CCDC134: variants seen among roughly 807,000 people sequenced by gnomAD.
CCDC134 encodes coiled-coil domain containing 134.
CCDC134 carries 27 observed loss-of-function variants against 25.6 expected under a neutral mutation model. The observed-to-expected ratio is 1.05, with a 90% CI of 0.78 to 1.45. CCDC134 has a LOEUF of 1.45. CCDC134 is among the 40% of genes most tolerant of loss of function. The pLI is 0.00. For missense variants in CCDC134, 261 were observed against 286.7 expected, an observed-to-expected ratio of 0.91 and a Z score of 0.65; for synonymous variants, 110 against 115.0, an observed-to-expected ratio of 0.96 and a Z score of 0.28.
chr22:41,813,810 C>G lies in CCDC134; in HGVS notation c.552C>G (p.Ile184Met), dbSNP rs371808841. 10 of 1,614,052 alleles carry G rather than the reference C, an allele frequency of 6.2e-6. No individual in the cohort carries two copies. The highest frequency in any genetic ancestry group is 6.8e-6 in the Non-Finnish European group (8 of 1,180,018). ...KDSNFQNPFK[I>M]DRTEFIPSTD... ...CCAACTTCCAGAACCCATTTAAAAT[C>G]GACCGCACAGAGGTGAGCTGCCAGG... is the stretch of plus-strand genomic sequence containing the variant. Residue 184 changes from isoleucine to methionine, a missense_variant, in exon 6 of 7, where the codon ATC (isoleucine) becomes ATG (methionine). Ile to Met is a conservative substitution (Grantham distance 10). Transcript: ENST00000255784.
chr22:41,824,234 G>A (rs2076665423), intron 6 of CCDC134, among the ~76,000 whole-genome samples: 1 of 152,206 alleles, frequency 6.6e-6, no homozygotes. Flanking sequence ...CTGAGCCCGA[G>A]CTAATGTGGC....
At chr22:41,816,924 A>G (rs2076625438) in intron 6 of CCDC134, among the ~76,000 whole-genome samples, 1 of 152,164 alleles carries the variant, frequency 6.6e-6, no homozygotes, top group African/African-American at 2.4e-5. Context: ...CACAAAAACA[A>G]AACAAAACAA....
Position 41,813,779 on chromosome 22 carries a change from A to C in CCDC134, c.521A>C (p.Lys174Thr). ...GCCCAGGAGCTGGGGATCAGTGAGAAAGACTCCAACTTCCAGAACCCATTT... is the reference window on the plus strand; with the variant it reads ...GCCCAGGAGCTGGGGATCAGTGAGACAGACTCCAACTTCCAGAACCCATTT... Reference protein sequence around the residue: ...LMAQELGISEKDSNFQNPFKI... With the variant: ...LMAQELGISETDSNFQNPFKI... The change falls in exon 6 of 7, where the codon AAA (lysine) becomes ACA (threonine). Residue 174 changes from lysine to threonine, a missense_variant. Physicochemically the swap from Lys to Thr is moderately conservative, Grantham distance 78. Coordinates refer to ENST00000255784, the MANE Select transcript of CCDC134 (RefSeq NM_024821.5). 1 of 1,614,198 alleles carries C rather than the reference A, an allele frequency of 6.2e-7. No homozygotes were observed. The highest frequency in any genetic ancestry group is 8.5e-7 in the Non-Finnish European group (1 of 1,180,022).
At chr22:41,812,527 G>A (rs2076602094) in intron 4 of CCDC134, among the ~76,000 whole-genome samples, 1 of 151,898 alleles carries the variant, frequency 6.6e-6, no homozygotes. Flanking sequence ...GCCGAGTGCA[G>A]TGGCTCATGC....
intron 6 of CCDC134, among the ~76,000 whole-genome samples, chr22:41,824,202 GGTCTAGAGGGCA>G (rs947694853): frequency 1.3e-5 from 2 of 152,198 alleles, no homozygotes; most frequent in Non-Finnish European, 2.9e-5. Flanking sequence ...AGTCAGGGCA[GGTCTAGAGGGCA>G]GTGAGTCAGC....
intron 2 of CCDC134, among the ~76,000 whole-genome samples, chr22:41,809,330 A>G (rs1255359785): frequency 2.0e-5 from 3 of 152,184 alleles, no homozygotes; most frequent in African/African-American, 4.8e-5. Flanking sequence ...GCTCCAGGCC[A>G]GGCCTCAAGG....
chr22:41,809,748 G>A, intron 2 of CCDC134, 131 bp from the exon 3 acceptor site: 2 of 1,168,640 alleles, frequency 1.7e-6, no homozygotes, highest in South Asian at 3.1e-5. Flanking sequence ...TCATTTCCTG[G>A]AGGCTTCTAG....
chr22:41,814,996 G>A (rs945236714), intron 6 of CCDC134, among the ~76,000 whole-genome samples: 2 of 152,070 alleles, frequency 1.3e-5, no homozygotes, highest in East Asian at 1.9e-4. Context: ...TCTTTGGGAA[G>A]AGACATCACC....
In CCDC134 at chr22:41,806,437, G is replaced by T. The variant is rs2076568051; in HGVS notation, c.-16-2438G>T. Among the ~76,000 whole-genome samples the T allele has an allele frequency of 2.6e-5, 4 of 151,720 alleles. No homozygotes were observed. The South Asian group carries it at 8.3e-4, about 32-fold the overall frequency. Reference sequence around the variant, plus strand: ...GGGTTTCACTGTGTTAGCCAGGATGGTCTTGATCTCCTGACCTTGTGATCC... The same window carrying T: ...GGGTTTCACTGTGTTAGCCAGGATGTTCTTGATCTCCTGACCTTGTGATCC... On this transcript the variant is annotated intron_variant, in intron 1 of 6. Coordinates refer to ENST00000255784, the MANE Select transcript of CCDC134 (RefSeq NM_024821.5).
chr22:41,824,190 G>T (rs1331198681), intron 6 of CCDC134, among the ~76,000 whole-genome samples: 1 of 152,164 alleles, frequency 6.6e-6, no homozygotes, highest in Non-Finnish European at 1.5e-5. Context: ...AGCCCCTCAG[G>T]GAGTCAGGGC....
chr22:41,809,379 G>T (rs901151577), intron 2 of CCDC134, among the ~76,000 whole-genome samples: 2 of 152,202 alleles, frequency 1.3e-5, no homozygotes, highest in Non-Finnish European at 2.9e-5. Context: ...TGGCTTTGAG[G>T]TGTCCATAAG....
intron 1 of CCDC134, among the ~76,000 whole-genome samples, chr22:41,807,043 G>A (rs1039490903): frequency 9.2e-5 from 14 of 152,022 alleles, no homozygotes; most frequent in Admixed American, 6.6e-4. Context: ...GCAAGACTCC[G>A]TCTCAAAAAA....
intron 6 of CCDC134, among the ~76,000 whole-genome samples, chr22:41,819,988 T>A (rs1196869567): frequency 1.2e-4 from 17 of 137,806 alleles, no homozygotes; most frequent in Non-Finnish European, 2.0e-4. Context: ...TATATATATA[T>A]ATATATATAT....
At position 41,826,931 on chromosome 22, in the gene CCDC134, G is replaced by A. The variant is rs531893306; in HGVS notation, c.*1108G>A. Among the ~76,000 whole-genome samples, 1 of 152,334 alleles carries A rather than the reference G, an allele frequency of 6.6e-6. No homozygotes were observed. Among genetic ancestry groups the A allele is most frequent in the Non-Finnish European group, 1.5e-5 (1 of 68,022 alleles). ...CCATCCCAGATCCCCTCGACACCCA[G>A]CCCCCTACCACTGACAGAGCACAAG... On this transcript the variant is annotated 3_prime_UTR_variant, in exon 7 of 7. Coordinates refer to ENST00000255784, the MANE Select transcript of CCDC134 (RefSeq NM_024821.5).
intron 6 of CCDC134, among the ~76,000 whole-genome samples, chr22:41,816,659 T>C (rs1461478512): frequency 2.6e-5 from 4 of 152,186 alleles, no homozygotes; most frequent in African/African-American, 4.8e-5. Context: ...ATTATTGCTA[T>C]AAAATCCATG....
Position 41,830,452 on chromosome 22 carries a change from C to G in CCDC134, c.*4629C>G, listed in dbSNP as rs578137586. Among the ~76,000 whole-genome samples, 15 of 152,316 alleles carry G rather than the reference C, an allele frequency of 9.8e-5. No homozygotes were observed. In the East Asian group the frequency reaches 2.7e-3, roughly 27 times the overall value. ...AGAGTGAGTTGTATGGGAGTTGTTGCTGAATCCCCCCAGAGTACCAGTCAC... is the reference window on the plus strand; with the variant it reads ...AGAGTGAGTTGTATGGGAGTTGTTGGTGAATCCCCCCAGAGTACCAGTCAC... On this transcript the variant is annotated 3_prime_UTR_variant, in exon 7 of 7. Transcript: ENST00000255784.
rs964549976 is a variant in CCDC134 at position 41,827,287 on chromosome 22, A to T, written c.*1464A>T. Among the ~76,000 whole-genome samples, 1 of 152,150 alleles carries T rather than the reference A, an allele frequency of 6.6e-6. No individual in the cohort carries two copies. The highest frequency in any genetic ancestry group is 2.4e-5 in the African/African-American group (1 of 41,448). On this transcript the variant is annotated 3_prime_UTR_variant, in exon 7 of 7. Coordinates refer to ENST00000255784, the MANE Select transcript of CCDC134 (RefSeq NM_024821.5). ...CAGAAGGCCCCTCACTGGGCAGTGG[A>T]GGCAGGGCAGTGTGGTGGGACTGAC...
rs67246997 is a variant in CCDC134 at position 41,830,884 on chromosome 22, C to CT, written c.*5083dup. Among the ~76,000 whole-genome samples, 5,816 of 116,898 alleles carry CT rather than the reference C, an allele frequency of 0.05. 337 individuals carry two copies. The highest frequency in any genetic ancestry group is 0.14 in the African/African-American group (3,485 of 25,410). The allele number at this position is 116,898 out of a possible 152,430, so 76.7% of individuals were successfully genotyped here. ...AGATCCTTATTTTTTCTTTTCTTTTCTTTTTTTTTTTTTTTTTTTTTTGAG... is the reference window on the plus strand; with the variant it reads ...AGATCCTTATTTTTTCTTTTCTTTTCTTTTTTTTTTTTTTTTTTTTTTTGAG... On this transcript the variant is annotated 3_prime_UTR_variant, in exon 7 of 7. Coordinates refer to ENST00000255784, the MANE Select transcript of CCDC134 (RefSeq NM_024821.5).
chr22:41,820,107 T>C (rs2076643693), intron 6 of CCDC134, among the ~76,000 whole-genome samples: 1 of 149,856 alleles, frequency 6.7e-6, no homozygotes, highest in African/African-American at 2.5e-5. Context: ...GCCATTCTCC[T>C]GCCTCAGCCT....
Sources: allele counts gnomAD v4.1 joint callset (sites outside exome capture counted in the v4.1 genomes callset), GRCh38; gene constraint gnomAD v4.1.1; transcripts MANE v1.5; gene names NCBI Gene and HGNC (gene_info 2026-07-23, HGNC 2026-07-21).